Variants in UBE2H observed in about 807,000 individuals in gnomAD.
UBE2H encodes the protein ubiquitin-conjugating enzyme E2 H.
In UBE2H, 3 loss-of-function variants were observed where a neutral mutation model predicts 29.0. That is an observed-to-expected ratio of 0.10 (90% CI 0.05 to 0.27). The LOEUF (loss-of-function observed/expected upper bound fraction) is 0.27, where lower values mean the gene tolerates loss of function less well. Among genes scored for constraint, UBE2H ranks in the 10% least tolerant of loss-of-function variants. The pLI is 1.00. For synonymous variants in UBE2H, 69 were observed against 82.9 expected, an observed-to-expected ratio of 0.83 and a Z score of 0.91; for missense variants, 68 against 228.2, an observed-to-expected ratio of 0.30 and a Z score of 4.52.
intron 5 of UBE2H, among the ~76,000 whole-genome samples, chr7:129,849,667 C>T (rs1039761054): frequency 2.6e-5 from 4 of 152,204 alleles, no homozygotes; most frequent in Admixed American, 2.6e-4. Flanking sequence ...TGAGGGCACA[C>T]AGGTGGAGAG....
At chr7:129,932,866 ATAT>A (rs1807439100) in intron 1 of UBE2H, among the ~76,000 whole-genome samples, 1 of 151,600 alleles carries the variant, frequency 6.6e-6, no homozygotes, top group Non-Finnish European at 1.5e-5. Context: ...TAATGAATCA[ATAT>A]TACTATGAAA....
At chr7:129,835,615 C>T (rs367937866) in intron 6 of UBE2H, among the ~76,000 whole-genome samples, 32 of 152,240 alleles carry the variant, frequency 2.1e-4, no homozygotes, top group Non-Finnish European at 2.6e-4. Context: ...AGACACCACT[C>T]GGCTCTGAGT....
chr7:129,842,188 T>TG (rs60378501), intron 5 of UBE2H, among the ~76,000 whole-genome samples: 10,109 of 152,354 alleles, frequency 0.066, 359 homozygotes, highest in South Asian at 0.13. Flanking sequence ...CCCAGCACTT[T>TG]GGTAGGCCAA....
At chr7:129,920,306 C>T (rs148869533) in intron 1 of UBE2H, among the ~76,000 whole-genome samples, 1 of 151,678 alleles carries the variant, frequency 6.6e-6, no homozygotes, top group Non-Finnish European at 1.5e-5. Flanking sequence ...GTCTAGTGAA[C>T]AAAAAAGGCT....
intron 1 of UBE2H, among the ~76,000 whole-genome samples, chr7:129,947,252 T>C (rs1457488469): frequency 6.6e-6 from 1 of 152,220 alleles, no homozygotes; most frequent in Non-Finnish European, 1.5e-5. Flanking sequence ...AGTACCAGTA[T>C]GTTATATTTG....
chr7:129,844,573 GAA>G (rs900112400), intron 5 of UBE2H, among the ~76,000 whole-genome samples: 1 of 152,036 alleles, frequency 6.6e-6, no homozygotes, highest in African/African-American at 2.4e-5. Context: ...TTTTTTAAAG[GAA>G]GAGAGCCAGA....
At chr7:129,835,986 A>G (rs1244801796) in intron 6 of UBE2H, among the ~76,000 whole-genome samples, 40 of 152,206 alleles carry the variant, frequency 2.6e-4, no homozygotes, top group African/African-American at 8.9e-4. Context: ...ATATTTTAAA[A>G]ACTGTCTTAA....
At chr7:129,871,303 C>T (rs1168042483) in intron 3 of UBE2H, among the ~76,000 whole-genome samples, 3 of 152,228 alleles carry the variant, frequency 2.0e-5, no homozygotes, top group South Asian at 4.1e-4. Context: ...ATTTTCAGAA[C>T]ACCAGTAAAA....
intron 1 of UBE2H, among the ~76,000 whole-genome samples, chr7:129,890,066 G>C (rs979889355): frequency 6.6e-6 from 1 of 152,116 alleles, no homozygotes; most frequent in African/African-American, 2.4e-5. Context: ...CCAGGAGTTT[G>C]AGTCTGTAGT....
chr7:129,943,682 C>T (rs996957362), intron 1 of UBE2H, among the ~76,000 whole-genome samples: 7 of 152,242 alleles, frequency 4.6e-5, no homozygotes, highest in Non-Finnish European at 8.8e-5. Context: ...AGGCGGATCA[C>T]CTGAGGTCAA....
At chr7:129,932,095 T>C (rs1050737066) in intron 1 of UBE2H, among the ~76,000 whole-genome samples, 1 of 151,312 alleles carries the variant, frequency 6.6e-6, no homozygotes, top group African/African-American at 2.4e-5. Flanking sequence ...GTGCTGGGAT[T>C]ACAAGTGTGA....
chr7:129,878,667 A>T (rs1392655211), intron 3 of UBE2H, among the ~76,000 whole-genome samples: 1 of 116,498 alleles, frequency 8.6e-6, no homozygotes, highest in Non-Finnish European at 1.7e-5. Context: ...TGGGCGACAG[A>T]GTGAGACTCC....
At chr7:129,886,949 T>C (rs1806375729) in intron 1 of UBE2H, among the ~76,000 whole-genome samples, 4 of 152,148 alleles carry the variant, frequency 2.6e-5, no homozygotes, top group South Asian at 4.1e-4. Flanking sequence ...CCAGTGTGGG[T>C]AGAAGAGGTG....
intron 1 of UBE2H, among the ~76,000 whole-genome samples, chr7:129,911,347 G>T (rs1806932764): frequency 6.6e-6 from 1 of 150,628 alleles, no homozygotes; most frequent in Admixed American, 6.7e-5. Flanking sequence ...CTCCAGCCTG[G>T]GTGACAGAGT....
chr7:129,884,507 CATAT>C (rs1806319665), intron 1 of UBE2H, among the ~76,000 whole-genome samples: 1 of 151,436 alleles, frequency 6.6e-6, no homozygotes, highest in East Asian at 1.9e-4. Context: ...GATAAATCTG[CATAT>C]ATGTTTCCTG....
At chr7:129,847,322 G>A (rs544385816) in intron 5 of UBE2H, among the ~76,000 whole-genome samples, 1 of 152,192 alleles carries the variant, frequency 6.6e-6, no homozygotes. Context: ...TTACAGGCAT[G>A]AGCCACCGCG....
chr7:129,853,414 C>CA (rs927534476), intron 5 of UBE2H, among the ~76,000 whole-genome samples: 24 of 149,920 alleles, frequency 1.6e-4, no homozygotes, highest in African/African-American at 3.7e-4. Context: ...GGAAGGGATG[C>CA]AAAAAAAAAG....
At chr7:129,920,033 C>A (rs1381746059) in intron 1 of UBE2H, among the ~76,000 whole-genome samples, 1 of 151,904 alleles carries the variant, frequency 6.6e-6, no homozygotes, top group Non-Finnish European at 1.5e-5. Flanking sequence ...ACTGTCAAAG[C>A]AGCAATTCTG....
chr7:129,886,106 C>T (rs1806355367), intron 1 of UBE2H, among the ~76,000 whole-genome samples: 1 of 152,190 alleles, frequency 6.6e-6, no homozygotes, highest in South Asian at 2.1e-4. Flanking sequence ...ATAAAATATC[C>T]TTCAGACATT....
Sources: gnomAD v4.1 joint callset for allele counts (sites outside exome capture counted in the v4.1 genomes callset) on GRCh38, gnomAD v4.1.1 for gene constraint, MANE v1.5 for transcripts, NCBI Gene and HGNC (gene_info 2026-07-23, HGNC 2026-07-21) for gene names.